ARHGAP39: variants seen among roughly 807,000 people sequenced by gnomAD.
ARHGAP39 encodes the protein rho GTPase-activating protein 39.
ARHGAP39 carries 44 observed loss-of-function variants against 106.9 expected under a neutral mutation model. That is an observed-to-expected ratio of 0.41 (90% CI 0.32 to 0.53). The LOEUF (loss-of-function observed/expected upper bound fraction) is 0.53. Among genes scored for constraint, ARHGAP39 ranks in the 20% least tolerant of loss-of-function variants. The pLI is 0.21. For synonymous variants in ARHGAP39, 768 were observed against 693.2 expected, an observed-to-expected ratio of 1.11 and a Z score of -1.69; for missense variants, 1,496 against 1,577.3, an observed-to-expected ratio of 0.95 and a Z score of 0.87.
intron 7 of ARHGAP39, among the ~76,000 whole-genome samples, chr8:144,535,591 G>T (rs555634391): frequency 6.2e-4 from 95 of 152,366 alleles, no homozygotes; most frequent in African/African-American, 2.2e-3. Context: ...TCAGCAGCTG[G>T]GACATGTAGT....
intron 1 of ARHGAP39, among the ~76,000 whole-genome samples, chr8:144,622,361 GC>G: frequency 6.6e-6 from 1 of 152,122 alleles, no homozygotes; most frequent in Non-Finnish European, 1.5e-5. Flanking sequence ...CATGTCAGCA[GC>G]CCCACCCGCC....
chr8:144,610,147 A>G (rs1312340184), intron 1 of ARHGAP39, among the ~76,000 whole-genome samples: 1 of 152,178 alleles, frequency 6.6e-6, no homozygotes, highest in Non-Finnish European at 1.5e-5. Flanking sequence ...ATATCTTCTT[A>G]AGAGCAACAG....
At chr8:144,574,866 T>C (rs977631945) in intron 3 of ARHGAP39, among the ~76,000 whole-genome samples, 21 of 152,160 alleles carry the variant, frequency 1.4e-4, no homozygotes, top group Non-Finnish European at 1.5e-5. Context: ...AGGCATCACT[T>C]AATAACACAG....
intron 1 of ARHGAP39, among the ~76,000 whole-genome samples, chr8:144,659,819 C>G (rs1177921413): frequency 6.6e-6 from 1 of 152,164 alleles, no homozygotes; most frequent in African/African-American, 2.4e-5. Context: ...AAGCCCCACT[C>G]TAACTGTGGG....
rs1818956772 is a variant in ARHGAP39, at chr8:144,580,922, T to C, written c.436A>G (p.Thr146Ala). Residue 146 changes from threonine to alanine, a missense_variant, in exon 3 of 12, where the codon ACT (threonine) becomes GCT (alanine). This residue lies in a region of ARHGAP39 where 905 missense variants were observed against 816.4 expected (regional missense o/e 1.11). Coordinates refer to ENST00000377307, the MANE Select transcript of ARHGAP39 (RefSeq NM_025251.3). ...TSSSLEPEPD[T>A]EKAQELPARA... ...GCTGGCAACTCCTGCGCTTTCTCAGTGTCGGGCTCGGGCTCCAGGGAGGAG... is the reference window on the plus strand; with the variant it reads ...GCTGGCAACTCCTGCGCTTTCTCAGCGTCGGGCTCGGGCTCCAGGGAGGAG... 3 of 1,605,594 alleles carry C rather than the reference T, an allele frequency of 1.9e-6. No homozygotes were observed. Among genetic ancestry groups the C allele is most frequent in the Non-Finnish European group, 2.5e-6 (3 of 1,178,458 alleles).
chr8:144,536,665 T>C (rs1024380561), intron 7 of ARHGAP39, among the ~76,000 whole-genome samples: 4 of 152,156 alleles, frequency 2.6e-5, no homozygotes, highest in Non-Finnish European at 4.4e-5. Flanking sequence ...GACTCGGGAC[T>C]GGGCCAGGGA....
At chr8:144,600,893 G>A (rs939402116) in intron 2 of ARHGAP39, among the ~76,000 whole-genome samples, 3 of 151,274 alleles carry the variant, frequency 2.0e-5, no homozygotes, top group Non-Finnish European at 4.4e-5. Flanking sequence ...GTGTACCTGT[G>A]CGTGTGCGTG....
At chr8:144,561,283 C>CTCCAGTGGTTTCCATCACAT (rs1439574230) in intron 3 of ARHGAP39, among the ~76,000 whole-genome samples, 7 of 151,956 alleles carry the variant, frequency 4.6e-5, no homozygotes, top group East Asian at 3.9e-4. Flanking sequence ...TTCCATCACA[C>CTCCAGTGGTTTCCATCACAT]TCCAGTGGTT....
intron 2 of ARHGAP39, among the ~76,000 whole-genome samples, chr8:144,582,043 C>T (rs572169789): frequency 4.6e-5 from 7 of 151,962 alleles, no homozygotes; most frequent in Non-Finnish European, 1.0e-4. Flanking sequence ...TGAGGTGTCT[C>T]GTTAGCCCTG....
intron 1 of ARHGAP39, among the ~76,000 whole-genome samples, chr8:144,658,132 A>G (rs111800456): frequency 0.092 from 13,979 of 152,020 alleles, 1,698 homozygotes; most frequent in African/African-American, 0.26. Context: ...CTTTCGAGAC[A>G]AGGTTTTGCT....
Position 144,591,874 on chromosome 8 carries a change from C to T in ARHGAP39, c.81-10597G>A, listed in dbSNP as rs956280042. On this transcript the variant is annotated intron_variant, in intron 2 of 11. Transcript: ENST00000377307. This position sits in a 1 kb window ranked among gnomAD's most constrained non-coding sequence, Gnocchi z 5.3. ...CTGGATGGCGGCGTCGCCTCGTCGC[C>T]TCGTGCCTGCGGGGAGTGCTGCCTG... Among the ~76,000 whole-genome samples, 1 of 152,122 alleles carries T rather than the reference C, an allele frequency of 6.6e-6. No homozygotes were observed. Among genetic ancestry groups the T allele is most frequent in the African/African-American group, 2.4e-5 (1 of 41,436 alleles).
intron 1 of ARHGAP39, among the ~76,000 whole-genome samples, chr8:144,607,832 T>A (rs1320038198): frequency 1.3e-5 from 2 of 152,202 alleles, no homozygotes; most frequent in Non-Finnish European, 2.9e-5. Flanking sequence ...TTTATTTTAA[T>A]GCTTGGGACT....
chr8:144,545,069 C>T lies in ARHGAP39; in HGVS notation c.2521+180G>A, dbSNP rs553177488. On this transcript the variant is annotated intron_variant, in intron 6 of 11. Coordinates refer to ENST00000377307, the MANE Select transcript of ARHGAP39 (RefSeq NM_025251.3). ...TCTTCACCTCAGTGCCCAGGTGGGG[C>T]TCCAGGAAGAGGCCACATCCAGCAG... Among the ~76,000 whole-genome samples, 5 of 152,358 alleles carry T rather than the reference C, an allele frequency of 3.3e-5. No individual in the cohort carries two copies. In the East Asian group the frequency reaches 9.6e-4, roughly 29 times the overall value.
chr8:144,662,224 G>A (rs529561613), intron 1 of ARHGAP39, among the ~76,000 whole-genome samples: 64 of 125,400 alleles, frequency 5.1e-4, no homozygotes, highest in Non-Finnish European at 9.1e-4. Context: ...CCGCTCCCCC[G>A]TCAGCATTAT....
Position 144,684,402 on chromosome 8 carries a change from C to G in ARHGAP39, c.-82+1284G>C, listed in dbSNP as rs1822521591. ...GGCACCTAGGACGCAGCGTCCAATTCCCCTCACTGGCTTCAAAAGACAAAT... is the reference window on the plus strand; with the variant it reads ...GGCACCTAGGACGCAGCGTCCAATTGCCCTCACTGGCTTCAAAAGACAAAT... On this transcript the variant is annotated intron_variant, in intron 1 of 11. Transcript: ENST00000377307. The surrounding 1 kb of genome is among the most constrained non-coding windows in gnomAD (Gnocchi z 4.4). 6.6e-6 allele frequency among the ~76,000 whole-genome samples: 1 copy of G among 152,236 alleles called. No homozygotes were observed. The highest frequency in any genetic ancestry group is 1.5e-5 in the Non-Finnish European group (1 of 68,040).
intron 1 of ARHGAP39, among the ~76,000 whole-genome samples, chr8:144,619,275 C>T (rs151096142): frequency 0.011 from 1,670 of 152,360 alleles, 31 homozygotes; most frequent in African/African-American, 0.039. Flanking sequence ...TGGCGACGCC[C>T]GCCATAGACC....
chr8:144,541,588 T>C (rs1817193598), intron 6 of ARHGAP39, among the ~76,000 whole-genome samples: 2 of 152,212 alleles, frequency 1.3e-5, no homozygotes, highest in African/African-American at 4.8e-5. Context: ...ATCTGACTGC[T>C]CTAGGGCCTC....
At chr8:144,672,306 T>G (rs1563732438) in intron 1 of ARHGAP39, among the ~76,000 whole-genome samples, 2 of 152,092 alleles carry the variant, frequency 1.3e-5, no homozygotes, top group Admixed American at 6.5e-5. Flanking sequence ...ACCTCTGTGA[T>G]CCCAGGGAAT....
At chr8:144,638,328 C>T (rs987033435) in intron 1 of ARHGAP39, among the ~76,000 whole-genome samples, 5 of 152,228 alleles carry the variant, frequency 3.3e-5, no homozygotes, top group African/African-American at 1.2e-4. Flanking sequence ...TGTGTCTCCA[C>T]ATGGATTTCT....
Sources: gnomAD v4.1 joint callset for allele counts (sites outside exome capture counted in the v4.1 genomes callset) on GRCh38, gnomAD v4.1.1 for gene constraint, gnomAD v4.1.1 regional missense constraint, Gnocchi (gnomAD v3.1) non-coding constraint, MANE v1.5 for transcripts, NCBI Gene and HGNC (gene_info 2026-07-23, HGNC 2026-07-21) for gene names.